The following CWC22 variants were observed in gnomAD, a reference collection of about 807,000 sequenced individuals.
CWC22 encodes the protein pre-mRNA-splicing factor CWC22 homolog.
Under a neutral mutation model 117.2 loss-of-function variants are expected in CWC22, and 53 were observed. The ratio of observed to expected loss-of-function variants is 0.45; its 90% confidence interval spans 0.36 to 0.57. The LOEUF (loss-of-function observed/expected upper bound fraction) is 0.57, where lower values mean the gene tolerates loss of function less well. CWC22 is among the 20% of genes least tolerant of loss of function. The pLI, the probability that CWC22 is intolerant of heterozygous loss-of-function variation, is 0.00. For synonymous variants in CWC22, 360 were observed against 355.6 expected, an observed-to-expected ratio of 1.01 and a Z score of -0.14; for missense variants, 980 against 1,068.8, an observed-to-expected ratio of 0.92 and a Z score of 1.16.
At chr2:179,964,352 T>TA (rs779097317) in intron 13 of CWC22, among the ~76,000 whole-genome samples, 195 bp downstream of exon 13, 2 of 152,088 alleles carry the variant, frequency 1.3e-5, no homozygotes, top group African/African-American at 2.4e-5. Flanking sequence ...TCCCATTAAG[T>TA]AAAAACAATT....
chr2:179,996,400 T>G (rs1171820641), intron 1 of CWC22, among the ~76,000 whole-genome samples: 1 of 151,946 alleles, frequency 6.6e-6, no homozygotes. Context: ...GAAAAATATA[T>G]GAAATAAAAA....
chr2:179,997,607 AT>A (rs1227527243), intron 1 of CWC22, among the ~76,000 whole-genome samples: 1 of 152,112 alleles, frequency 6.6e-6, no homozygotes, highest in Non-Finnish European at 1.5e-5. Flanking sequence ...AGATATTGGT[AT>A]TTTTTTCCCT....
chr2:179,971,963 C>G (rs889411694), intron 8 of CWC22, among the ~76,000 whole-genome samples: 1 of 152,174 alleles, frequency 6.6e-6, no homozygotes, highest in African/African-American at 2.4e-5. Flanking sequence ...TGTACCACAG[C>G]TGGAAGATGC....
chr2:179,981,964 T>C lies in CWC22; in HGVS notation c.240A>G (p.Glu80=). Residue 80 remains glutamate (E), a synonymous_variant, in exon 5 of 20, where the codon GAA becomes GAG. Coordinates refer to ENST00000410053, the MANE Select transcript of CWC22 (RefSeq NM_020943.3). ...NRDREKRRER[E]RDTDRKRSRK... ...GAGACCTTTTCCGATCCGTATCTCT[T>C]TCTCTTTCTCTGCGTTTTTCTCGGT... The C allele has an allele frequency of 6.4e-7, 1 of 1,553,094 alleles. No individual in the cohort carries two copies. Among genetic ancestry groups the C allele is most frequent in the Non-Finnish European group, 8.7e-7 (1 of 1,147,104 alleles).
chr2:180,004,495 G>T lies in CWC22; in HGVS notation c.-114+2372C>A, dbSNP rs891699095. 3.3e-5 allele frequency among the ~76,000 whole-genome samples: 5 copies of T among 152,146 alleles called. No individual in the cohort carries two copies. In the East Asian group the frequency reaches 9.6e-4, roughly 29 times the overall value. On this transcript the variant is annotated intron_variant, in intron 1 of 19. Coordinates refer to ENST00000410053, the MANE Select transcript of CWC22 (RefSeq NM_020943.3). Reference sequence around the variant, plus strand: ...CAACCTCCGCCTCCCAGGTTTAAGTGATTGTCGTGCCTCAGCCACCCGAGT... The same window carrying T: ...CAACCTCCGCCTCCCAGGTTTAAGTTATTGTCGTGCCTCAGCCACCCGAGT...
At chr2:179,978,351 C>A in intron 5 of CWC22, 33 bp from the exon 6 acceptor site, 1 of 1,416,082 alleles carries the variant, frequency 7.1e-7, no homozygotes, top group South Asian at 1.7e-5. Context: ...AAGATTAAAA[C>A]TTAATTACAA....
intron 1 of CWC22, among the ~76,000 whole-genome samples, chr2:180,002,019 A>C (rs1335712553): frequency 6.6e-6 from 1 of 152,178 alleles, no homozygotes; most frequent in Non-Finnish European, 1.5e-5. Flanking sequence ...GATCATCTCC[A>C]TCCCCATAGC....
intron 1 of CWC22, among the ~76,000 whole-genome samples, chr2:180,005,284 AACTAGGAC>A (rs1333534305): frequency 6.6e-6 from 1 of 152,208 alleles, no homozygotes; most frequent in African/African-American, 2.4e-5. Context: ...GGACACTTAA[AACTAGGAC>A]ACTAGCCGGG....
rs756361623 is a variant in CWC22 at position 179,945,330 on chromosome 2, G to C, written c.2526C>G (p.Asp842Glu). 1.9e-5 allele frequency: 30 copies of C among 1,613,082 alleles called. No homozygotes were observed. Among genetic ancestry groups the C allele is most frequent in the Non-Finnish European group, 1.6e-5 (19 of 1,179,672 alleles). The change falls in exon 20 of 20, where the codon GAC becomes GAG. Residue 842 changes from aspartate (D) to glutamate (E), a missense_variant. By Grantham distance (45) the Asp-to-Glu change is conservative. This residue lies in a region of CWC22 where 306 missense variants were observed against 296.8 expected (regional missense o/e 1.03). Coordinates refer to ENST00000410053, the MANE Select transcript of CWC22 (RefSeq NM_020943.3). The part of the protein sequence containing the change: ...ENEKHTHRIK[D>E]SENFRRKDRS... ...TATCTTTTCTTCTGAAATTTTCACT[G>C]TCTTTAATTCGGTGTGTATGCTTCT...
chr2:179,946,982 C>G (rs1054347892), intron 19 of CWC22, among the ~76,000 whole-genome samples: 3 of 152,136 alleles, frequency 2.0e-5, no homozygotes, highest in Non-Finnish European at 2.9e-5. Flanking sequence ...GTAATCACAA[C>G]TATAAATACA....
chr2:179,991,454 CAA>C (rs1174031332), intron 2 of CWC22, among the ~76,000 whole-genome samples: 2 of 152,066 alleles, frequency 1.3e-5, no homozygotes, highest in Non-Finnish European at 2.9e-5. Flanking sequence ...GGAAGCAGAC[CAA>C]AGAGAGCTGG....
Position 179,945,638 on chromosome 2 carries a change from T to C in CWC22, c.2218A>G (p.Asn740Asp). 1.2e-6 allele frequency: 2 copies of C among 1,612,598 alleles called. No homozygotes were observed. The highest frequency in any genetic ancestry group is 1.7e-6 in the Non-Finnish European group (2 of 1,179,564). ...CTTCTTTCTTTTTGTTTCCTATCAT[T>C]TGTTTGCTGGTTTCTGATCAATTTA... ...VDKLIRNQQT[N>D]DRKQKERRQE... Residue 740 changes from asparagine to aspartate, a missense_variant, in exon 20 of 20, where the codon AAT becomes GAT. Physicochemically the swap from Asn to Asp is conservative, Grantham distance 23 (BLOSUM62 1). Around this residue, in one of 3 missense-constraint regions of CWC22, gnomAD observed 306 missense variants for 296.8 expected, o/e 1.03. Coordinates refer to ENST00000410053, the MANE Select transcript of CWC22 (RefSeq NM_020943.3).
At chr2:179,970,916 C>G (rs750657886) in intron 9 of CWC22, 25 bp downstream of exon 9, 1 of 1,609,632 alleles carries the variant, frequency 6.2e-7, no homozygotes, top group South Asian at 1.1e-5. Flanking sequence ...AAAAACTTAA[C>G]ATCAAACTAT....
intron 19 of CWC22, among the ~76,000 whole-genome samples, chr2:179,949,428 TTAACTTC>T (rs1378279756): frequency 6.6e-6 from 1 of 152,216 alleles, no homozygotes; most frequent in East Asian, 1.9e-4. Flanking sequence ...AAAATGGCAT[TTAACTTC>T]TCTAGTTGAA....
chr2:179,978,240 G>T lies in CWC22; in HGVS notation c.531C>A (p.Asn177Lys). 6.4e-7 allele frequency: 1 copy of T among 1,571,846 alleles called. No individual in the cohort carries two copies. Among genetic ancestry groups the T allele is most frequent in the Non-Finnish European group, 8.6e-7 (1 of 1,161,004 alleles). Reference sequence around the variant, plus strand: ...GAAGCTCTTGAATAATAATACTTATGTTGGAAATGTTGACTTTGTTGATAA... The same window carrying T: ...GAAGCTCTTGAATAATAATACTTATTTTGGAAATGTTGACTTTGTTGATAA... ...NGLINKVNIS[N>K]ISIIIQELLQ... Residue 177 changes from asparagine to lysine, a missense_variant, in exon 6 of 20, where the codon AAC becomes AAA. Transcript: ENST00000410053.
intron 12 of CWC22, among the ~76,000 whole-genome samples, chr2:179,965,393 G>A (rs1441108555): frequency 6.6e-6 from 1 of 152,112 alleles, no homozygotes; most frequent in East Asian, 1.9e-4. Context: ...GTGAAATAAG[G>A]TAATCAAAGC....
chr2:179,966,979 T>A (rs1343711417), intron 11 of CWC22, among the ~76,000 whole-genome samples: 1 of 152,210 alleles, frequency 6.6e-6, no homozygotes, highest in Non-Finnish European at 1.5e-5. Context: ...AGCCCTTATC[T>A]GACATATAAA....
At chr2:179,997,891 C>T (rs1207715865) in intron 1 of CWC22, among the ~76,000 whole-genome samples, 1 of 152,098 alleles carries the variant, frequency 6.6e-6, no homozygotes, top group Non-Finnish European at 1.5e-5. Flanking sequence ...TTTTTTCCTA[C>T]AGGTCAGTTT....
chr2:179,969,124 T>A (rs924377579), intron 11 of CWC22, among the ~76,000 whole-genome samples: 2 of 152,256 alleles, frequency 1.3e-5, no homozygotes, highest in South Asian at 4.1e-4. Context: ...CATTGGCCAA[T>A]TGCCTAGATG....
Sources: allele counts gnomAD v4.1 joint callset (sites outside exome capture counted in the v4.1 genomes callset), GRCh38; gene constraint gnomAD v4.1.1; regional missense constraint gnomAD v4.1.1; transcripts MANE v1.5; gene names NCBI Gene and HGNC (gene_info 2026-07-23, HGNC 2026-07-21).